SLC14A2: variants seen among roughly 807,000 people sequenced by gnomAD.
SLC14A2 encodes the protein urea transporter 2.
SLC14A2 carries 91 observed loss-of-function variants against 104.6 expected under a neutral mutation model. The ratio of observed to expected loss-of-function variants is 0.87; its 90% CI spans 0.73 to 1.04. The LOEUF (loss-of-function observed/expected upper bound fraction) is 1.04. Among genes scored for constraint, SLC14A2 ranks in the 50% least tolerant of loss-of-function variants. The probability of loss-of-function intolerance (pLI) is 0.00; values close to 1 mark genes in which losing one functional copy is unlikely to be tolerated. For synonymous variants in SLC14A2, 476 were observed against 466.4 expected, an observed-to-expected ratio of 1.02 and a Z score of -0.27; for missense variants, 1,189 against 1,156.0, an observed-to-expected ratio of 1.03 and a Z score of -0.41.
At chr18:45,229,875 T>C (rs1231704602) in intron 1 of SLC14A2, among the ~76,000 whole-genome samples, 1 of 151,990 alleles carries the variant, frequency 6.6e-6, no homozygotes, top group African/African-American at 2.4e-5. Context: ...AAAGTGTAAG[T>C]TCTAAAGCCA....
chr18:45,400,426 T>A (rs1285867088), intron 1 of SLC14A2, among the ~76,000 whole-genome samples: 2 of 152,244 alleles, frequency 1.3e-5, no homozygotes, highest in African/African-American at 4.8e-5. Context: ...AGTAATGCTG[T>A]GTTCTTCTCA....
At chr18:45,213,538 G>A (rs929756199) in intron 1 of SLC14A2, among the ~76,000 whole-genome samples, 1 of 152,054 alleles carries the variant, frequency 6.6e-6, no homozygotes, top group Non-Finnish European at 1.5e-5. Context: ...AATAATAGTG[G>A]AGAAAATGCA....
chr18:45,485,002 G>A (rs1389666367), intron 2 of SLC14A2: 1 of 152,088 alleles, frequency 6.6e-6, no homozygotes, highest in Admixed American at 6.6e-5. Context: ...TTATTAATAG[G>A]CTGCTATTAT....
chr18:45,648,282 T>C (rs2045660534), intron 10 of SLC14A2, among the ~76,000 whole-genome samples: 1 of 145,668 alleles, frequency 6.9e-6, no homozygotes, highest in African/African-American at 2.5e-5. Flanking sequence ...CTGGGCTCAC[T>C]GCAAGCTCCG....
At chr18:45,657,457 A>G (rs1170007122) in intron 10 of SLC14A2, among the ~76,000 whole-genome samples, 1 of 148,410 alleles carries the variant, frequency 6.7e-6, no homozygotes, top group Non-Finnish European at 1.5e-5. Context: ...ACTGCACTCC[A>G]GTCTGGGTGA....
At chr18:45,412,461 A>G (rs1388233799) in intron 1 of SLC14A2, among the ~76,000 whole-genome samples, 3 of 152,156 alleles carry the variant, frequency 2.0e-5, no homozygotes, top group African/African-American at 7.2e-5. Context: ...GTTGGCTGAT[A>G]TTCTTGGCTC....
intron 1 of SLC14A2, among the ~76,000 whole-genome samples, chr18:45,455,032 TC>T (rs2086919241): frequency 6.6e-6 from 1 of 152,218 alleles, no homozygotes; most frequent in Non-Finnish European, 1.5e-5. Flanking sequence ...TTTTTCCAAT[TC>T]TGTGAAAAAG....
At chr18:45,526,061 G>A (rs2043590584) in intron 2 of SLC14A2, among the ~76,000 whole-genome samples, 1 of 152,202 alleles carries the variant, frequency 6.6e-6, no homozygotes, top group South Asian at 2.1e-4. Flanking sequence ...AAAGAAAGAA[G>A]GCAGTAAGGT....
At chr18:45,550,408 C>G (rs1367898246) in intron 2 of SLC14A2, among the ~76,000 whole-genome samples, 1 of 152,172 alleles carries the variant, frequency 6.6e-6, no homozygotes. Context: ...ATTTGGAAAT[C>G]CCATATTGAG....
intron 1 of SLC14A2, among the ~76,000 whole-genome samples, chr18:45,258,153 A>AAATCCAGGCCTTGCACTTCTCTC (rs1403008746): frequency 7.2e-4 from 74 of 103,048 alleles, no homozygotes; most frequent in South Asian, 1.6e-3. Context: ...TCACTTTTCC[A>AAATCCAGGCCTTGCACTTCTCTC]AGGTCACCTG....
intron 1 of SLC14A2, among the ~76,000 whole-genome samples, chr18:45,230,688 C>G (rs1947718): frequency 6.6e-6 from 1 of 152,086 alleles, no homozygotes; most frequent in African/African-American, 2.4e-5. Flanking sequence ...ATTCTGCCTA[C>G]CACAAGGTCC....
intron 2 of SLC14A2, among the ~76,000 whole-genome samples, chr18:45,535,319 A>G (rs2852283): frequency 0.036 from 5,500 of 152,264 alleles, 330 homozygotes; most frequent in African/African-American, 0.12. Context: ...TGAATGTGAC[A>G]AATAGAAAGA....
intron 1 of SLC14A2, among the ~76,000 whole-genome samples, chr18:45,426,350 G>A (rs542083469): frequency 6.6e-5 from 10 of 152,090 alleles, no homozygotes; most frequent in African/African-American, 1.2e-4. Context: ...GTGCGTAATC[G>A]TGATTTTTCA....
chr18:45,237,789 A>G (rs544665971), intron 1 of SLC14A2, among the ~76,000 whole-genome samples: 1 of 152,274 alleles, frequency 6.6e-6, no homozygotes, highest in South Asian at 2.1e-4. Context: ...TGACAGTAAG[A>G]CCAGGGGCAC....
chr18:45,198,446 T>C, the SLC14A2 span, among the ~76,000 whole-genome samples: 1 of 152,118 alleles, frequency 6.6e-6, no homozygotes, highest in Admixed American at 6.5e-5. Flanking sequence ...TTATAATTAT[T>C]AAGGATTTTA....
intron 2 of SLC14A2, among the ~76,000 whole-genome samples, chr18:45,516,006 A>G (rs2043435346): frequency 6.6e-6 from 1 of 152,350 alleles, no homozygotes; most frequent in South Asian, 2.1e-4. Context: ...ATTAATAACT[A>G]TTTGAGTTAA....
At chr18:45,226,938 C>A (rs1055511458) in intron 1 of SLC14A2, among the ~76,000 whole-genome samples, 36 of 152,290 alleles carry the variant, frequency 2.4e-4, no homozygotes, top group African/African-American at 8.4e-4. Flanking sequence ...ACACACTCAA[C>A]AGCTCAGTGA....
chr18:45,414,047 G>A (rs1388596929), intron 1 of SLC14A2, among the ~76,000 whole-genome samples: 3 of 152,208 alleles, frequency 2.0e-5, no homozygotes, highest in African/African-American at 7.2e-5. Context: ...GTCCACATCA[G>A]TATTACCAAA....
chr18:45,187,652 C>A, the SLC14A2 span, among the ~76,000 whole-genome samples: 1 of 152,006 alleles, frequency 6.6e-6, no homozygotes, highest in African/African-American at 2.4e-5. Flanking sequence ...GGTGAAGCCA[C>A]CTTATGCCCG....
Sources: allele counts gnomAD v4.1 joint callset (sites outside exome capture counted in the v4.1 genomes callset), GRCh38; gene constraint gnomAD v4.1.1; transcripts MANE v1.5; gene names NCBI Gene and HGNC (gene_info 2026-07-23, HGNC 2026-07-21).